ADGRL2: variants seen among roughly 807,000 people sequenced by gnomAD.
ADGRL2 encodes the protein adhesion G protein-coupled receptor L2.
A neutral mutation model predicts 157.4 loss-of-function variants in ADGRL2; 44 were observed. That is an observed-to-expected ratio of 0.28 (90% CI 0.22 to 0.36). The LOEUF is 0.36. Among genes scored for constraint, ADGRL2 ranks in the 10% least tolerant of loss-of-function variants. The pLI, the probability that ADGRL2 is intolerant of heterozygous loss-of-function variation, is 1.00. For synonymous variants in ADGRL2, 585 were observed against 624.7 expected (o/e 0.94, Z 0.95); for missense variants, 1,510 against 1,768.9 (o/e 0.85, Z 2.63).
At chr1:81,353,945 C>T (rs570473520) in intron 1 of ADGRL2, among the ~76,000 whole-genome samples, 4 of 152,146 alleles carry the variant, frequency 2.6e-5, no homozygotes, top group East Asian at 3.9e-4. Flanking sequence ...CTTTGAGAAG[C>T]GTAGCATTTA....
chr1:81,436,374 CATCT>C (rs2101647754), intron 1 of ADGRL2, among the ~76,000 whole-genome samples: 1 of 152,298 alleles, frequency 6.6e-6, no homozygotes, highest in African/African-American at 2.4e-5. Context: ...ACTCAAATAA[CATCT>C]ATCTAACATA....
chr1:81,328,602 TA>T (rs934714724), intron 1 of ADGRL2, among the ~76,000 whole-genome samples: 33 of 152,144 alleles, frequency 2.2e-4, no homozygotes, highest in Admixed American at 7.9e-4. Flanking sequence ...CTGGGAGTCA[TA>T]CCTTAAAAAG....
At chr1:81,978,351 T>C (rs935853695) in intron 17 of ADGRL2, among the ~76,000 whole-genome samples, 3 of 151,936 alleles carry the variant, frequency 2.0e-5, no homozygotes, top group Admixed American at 6.6e-5. Context: ...TAGAATGTTA[T>C]GGAAAATAAA....
intron 2 of ADGRL2, among the ~76,000 whole-genome samples, chr1:81,550,243 T>C (rs1004412689): frequency 1.3e-5 from 2 of 152,200 alleles, no homozygotes; most frequent in Admixed American, 6.6e-5. Context: ...CCCTTACTTT[T>C]GTATAATTCT....
chr1:81,648,600 A>G (rs2082356189), intron 3 of ADGRL2, among the ~76,000 whole-genome samples: 1 of 152,188 alleles, frequency 6.6e-6, no homozygotes, highest in African/African-American at 2.4e-5. Context: ...GGATTGCACT[A>G]GACGGGAGAG....
chr1:81,498,478 G>A (rs1402458971), intron 2 of ADGRL2, among the ~76,000 whole-genome samples: 1 of 152,130 alleles, frequency 6.6e-6, no homozygotes, highest in Non-Finnish European at 1.5e-5. Context: ...TCTCTTTTGT[G>A]CATTGTCAAG....
intron 2 of ADGRL2, among the ~76,000 whole-genome samples, chr1:81,863,424 C>T (rs2093444989): frequency 6.6e-6 from 1 of 152,106 alleles, no homozygotes; most frequent in Admixed American, 6.6e-5. Flanking sequence ...CAGAAAGGAT[C>T]CTTTTTCAGA....
In ADGRL2 at chr1:81,508,181, A is replaced by G. The variant is rs1257127054; in HGVS notation, c.-248+63092A>G. ...TTCATATTATGTAGCTTGTGTATGC[A>G]TATGTATTTTATTCTTACCAGAACA... On this transcript the variant is annotated intron_variant, in intron 2 of 24. Coordinates refer to the ADGRL2 transcript ENST00000370721. Among the ~76,000 whole-genome samples the G allele has an allele frequency of 2.6e-5, 4 of 152,212 alleles. No homozygotes were observed. The South Asian group carries it at 8.3e-4, about 32-fold the overall frequency.
chr1:81,539,583 T>C (rs1467772082), intron 2 of ADGRL2, among the ~76,000 whole-genome samples: 1 of 152,188 alleles, frequency 6.6e-6, no homozygotes, highest in Non-Finnish European at 1.5e-5. Context: ...TGTTATGAGT[T>C]TAGGCTGCTA....
intron 3 of ADGRL2, among the ~76,000 whole-genome samples, chr1:81,924,693 A>G (rs894857968): frequency 6.6e-6 from 1 of 152,046 alleles, no homozygotes; most frequent in African/African-American, 2.4e-5. Context: ...TTGAGGGGTG[A>G]TTGAGGTATA....
chr1:81,452,959 C>G (rs1217794440), intron 2 of ADGRL2, among the ~76,000 whole-genome samples: 1 of 152,172 alleles, frequency 6.6e-6, no homozygotes, highest in East Asian at 1.9e-4. Flanking sequence ...CATTCTACAT[C>G]AAGGCAGATA....
At chr1:81,567,392 T>C (rs918012819) in intron 2 of ADGRL2, among the ~76,000 whole-genome samples, 1 of 152,142 alleles carries the variant, frequency 6.6e-6, no homozygotes, top group Non-Finnish European at 1.5e-5. Flanking sequence ...AGTTATATTG[T>C]ACAGCACTGA....
At chr1:81,466,239 C>T (rs186327274) in intron 2 of ADGRL2, among the ~76,000 whole-genome samples, 3 of 152,268 alleles carry the variant, frequency 2.0e-5, no homozygotes, top group African/African-American at 4.8e-5. Flanking sequence ...AGATGCATTA[C>T]GTGGCAATTC....
intron 2 of ADGRL2, among the ~76,000 whole-genome samples, chr1:81,905,243 A>C (rs1413380949): frequency 6.6e-6 from 1 of 151,816 alleles, no homozygotes; most frequent in Admixed American, 6.6e-5. Flanking sequence ...GATTACAGGC[A>C]TGCGCCACCA....
chr1:81,854,367 C>T (rs570384405), intron 2 of ADGRL2, among the ~76,000 whole-genome samples: 4 of 152,132 alleles, frequency 2.6e-5, no homozygotes, highest in South Asian at 2.1e-4. Context: ...TACATTTGTA[C>T]GAGTATTTCA....
intron 2 of ADGRL2, among the ~76,000 whole-genome samples, chr1:81,463,321 A>AT (rs1167800410): frequency 6.6e-6 from 1 of 151,754 alleles, no homozygotes; most frequent in Non-Finnish European, 1.5e-5. Context: ...ATAGACATAA[A>AT]TTTTTTGACA....
chr1:81,827,226 A>G (rs2091566960), intron 1 of ADGRL2, among the ~76,000 whole-genome samples: 1 of 152,196 alleles, frequency 6.6e-6, no homozygotes, highest in African/African-American at 2.4e-5. Context: ...GCAAATTAGA[A>G]TTTAGCATTT....
At chr1:81,465,402 A>G (rs115011175) in intron 2 of ADGRL2, among the ~76,000 whole-genome samples, 1,866 of 151,910 alleles carry the variant, frequency 0.012, 31 homozygotes, top group African/African-American at 0.042. Context: ...TATATAAATA[A>G]GTAAAAGAAA....
At chr1:81,800,637 C>G (rs971882295), upstream of ADGRL2, 2 of 152,092 alleles carry the variant, frequency 1.3e-5, no homozygotes, top group Admixed American at 6.6e-5. Context: ...GAGCGCCGCG[C>G]TTCGCGGCGC....
Sources: gnomAD v4.1 joint callset for allele counts (sites outside exome capture counted in the v4.1 genomes callset) on GRCh38, gnomAD v4.1.1 for gene constraint, MANE v1.5 for transcripts, NCBI Gene and HGNC (gene_info 2026-07-23, HGNC 2026-07-21) for gene names.